The following SRMS variants were observed in gnomAD, a reference collection of about 807,000 sequenced individuals.
SRMS encodes tyrosine-protein kinase Srms.
SRMS carries 42 observed loss-of-function variants against 43.5 expected under a neutral mutation model. That is an observed-to-expected ratio of 0.97 (90% CI 0.75 to 1.25). The LOEUF (loss-of-function observed/expected upper bound fraction) is 1.25, where lower values mean the gene tolerates loss of function less well. Among genes scored for constraint, SRMS ranks in the 50% most tolerant of loss-of-function variants. The pLI, the probability that SRMS is intolerant of heterozygous loss-of-function variation, is 0.00. For synonymous variants in SRMS, 316 were observed against 308.2 expected, an observed-to-expected ratio of 1.03 and a Z score of -0.27; for missense variants, 703 against 681.0, an observed-to-expected ratio of 1.03 and a Z score of -0.36.
At position 63,542,220 on chromosome 20, in the gene SRMS, G is replaced by A. The variant is rs762825847; in HGVS notation, c.889C>T (p.Pro297Ser). Residue 297 changes from proline to serine, a missense_variant, in exon 5 of 8, where the codon CCT becomes TCT. Coordinates refer to ENST00000217188, the MANE Select transcript of SRMS (RefSeq NM_080823.4). ...ATGAGTTCCGTGACGATGTACACAG[G>A]CTCCCCGCCCGAGCACACTGCGTGC... Reference protein sequence around the residue: ...RLHAVCSGGEPVYIVTELMRK... With the variant: ...RLHAVCSGGESVYIVTELMRK... 4 of 1,612,552 alleles carry A rather than the reference G, an allele frequency of 2.5e-6. No homozygotes were observed.
intron 1 of SRMS, among the ~76,000 whole-genome samples, chr20:63,546,796 C>T (rs930063544): frequency 1.3e-5 from 2 of 152,210 alleles, no homozygotes; most frequent in Non-Finnish European, 2.9e-5. Flanking sequence ...GAGGGCCTGG[C>T]CAGCCAGGCA....
chr20:63,541,608 C>T lies in SRMS; in HGVS notation c.959G>A (p.Arg320Gln), dbSNP rs1244641655. The change falls in exon 6 of 8, where the codon CGG becomes CAG. Residue 320 changes from arginine (R) to glutamine (Q), a missense_variant. Arg to Gln is a conservative substitution (Grantham distance 43, BLOSUM62 1). Transcript: ENST00000217188. ...CAGGAGTGGCGGCAGACGCAGGGCC[C>T]GGCCCTCGGGGGCTGCAGGAGACAG... ...LQAFLGTPEG[R>Q]ALRLPPLLGF... The T allele has an allele frequency of 5.8e-6, 9 of 1,551,508 alleles. No individual in the cohort carries two copies. Among genetic ancestry groups the T allele is most frequent in the African/African-American group, 4.1e-5 (3 of 73,722 alleles).
In SRMS at chr20:63,540,072, G is replaced by A. The variant is rs1418607524; in HGVS notation, c.*746C>T. ...ATTTTCTAGCCACGTGGACCCGTAC[G>A]CTCCAGCTCCTGGGTCTGGGTTTGG... On this transcript the variant is annotated 3_prime_UTR_variant, in exon 8 of 8. Coordinates refer to ENST00000217188, the MANE Select transcript of SRMS (RefSeq NM_080823.4). 5.9e-5 allele frequency among the ~76,000 whole-genome samples: 9 copies of A among 152,336 alleles called. No homozygotes were observed. The highest frequency in any genetic ancestry group is 5.8e-4 in the East Asian group (3 of 5,184).
rs1425010793 is a variant in SRMS, at chr20:63,540,373, G to A, written c.*445C>T. On this transcript the variant is annotated 3_prime_UTR_variant, in exon 8 of 8. Coordinates refer to ENST00000217188, the MANE Select transcript of SRMS (RefSeq NM_080823.4). ...CTCTTCACCCTGGGAGGGAGTCCAG[G>A]GGACCCAGGCAGGAGACACACAGGG... is the stretch of plus-strand genomic sequence containing the variant. Among the ~76,000 whole-genome samples, 1 of 152,164 alleles carries A rather than the reference G, an allele frequency of 6.6e-6. No homozygotes were observed. Among genetic ancestry groups the A allele is most frequent in the Non-Finnish European group, 1.5e-5 (1 of 68,006 alleles).
At chr20:63,546,107 C>T (rs555738221) in intron 1 of SRMS, among the ~76,000 whole-genome samples, 11 of 152,286 alleles carry the variant, frequency 7.2e-5, no homozygotes, top group Middle Eastern at 3.4e-3. Flanking sequence ...TGCTCCACCA[C>T]GAGCCCTGCC....
At chr20:63,542,121 G>A (rs776924497) in intron 5 of SRMS, 42 bp downstream of exon 5, 4 of 1,578,564 alleles carry the variant, frequency 2.5e-6, no homozygotes, top group Middle Eastern at 1.7e-4. Flanking sequence ...AGGGGCGGTC[G>A]CAGGCGCGTC....
At position 63,542,336 on chromosome 20, in the gene SRMS, G is replaced by A. The variant is rs1043018033; in HGVS notation, c.788-15C>T. ...CTTCATGTTGGCTGCGAGAGAGGGT[G>A]TGGCTCCAGGACCGGCCCACGCCAC... On this transcript the variant is annotated splice_polypyrimidine_tract_variant and intron_variant, in intron 4 of 7. Transcript: ENST00000217188. The A allele has an allele frequency of 3.7e-6, 6 of 1,604,036 alleles. No individual in the cohort carries two copies. Among genetic ancestry groups the A allele is most frequent in the Middle Eastern group, 1.6e-4 (1 of 6,066 alleles).
rs199598481 is a variant in SRMS at position 63,543,319 on chromosome 20, G to A, written c.640C>T (p.Pro214Ser). The A allele has an allele frequency of 5.0e-6, 8 of 1,612,360 alleles. No homozygotes were observed. The African/African-American group carries it at 1.1e-4, about 21-fold the overall frequency. ...CTTGGCAGGCACAGGCCCACCTGGGGCATGCAGGGCTGCAGCAGGGGGTTC... is the reference window on the plus strand; with the variant it reads ...CTTGGCAGGCACAGGCCCACCTGGGACATGCAGGGCTGCAGCAGGGGGTTC... ...IQNPLLQPCM[P>S]QKAPRQDVWE... is the part of the protein sequence containing the mutation. Residue 214 changes from proline (P) to serine (S), a missense_variant, in exon 3 of 8, where the codon CCC becomes TCC. Physicochemically the swap from Pro to Ser is moderately conservative, Grantham distance 74. Transcript: ENST00000217188.
rs751514762 is a variant in SRMS, at chr20:63,541,012, G to A, written c.1286-13C>T. The A allele has an allele frequency of 6.2e-7, 1 of 1,607,970 alleles. No individual in the cohort carries two copies. The highest frequency in any genetic ancestry group is 8.5e-7 in the Non-Finnish European group (1 of 1,179,158). Reference sequence around the variant, plus strand: ...TGGTTGGTCATCCCTGGGAGGCGCGGGGCAAGAGCTGCCTCGATTCTGCCT... The same window carrying A: ...TGGTTGGTCATCCCTGGGAGGCGCGAGGCAAGAGCTGCCTCGATTCTGCCT... On this transcript the variant is annotated splice_polypyrimidine_tract_variant and intron_variant, in intron 7 of 7. Transcript: ENST00000217188.
At chr20:63,543,245 GGGA>G in intron 3 of SRMS, 66 bp downstream of exon 3, 1 of 1,564,074 alleles carries the variant, frequency 6.4e-7, no homozygotes, top group Non-Finnish European at 8.7e-7. Flanking sequence ...TGACGGGGTG[GGGA>G]GGAGCACCTA....
Position 63,542,452 on chromosome 20 carries a change from C to T in SRMS, c.775G>A (p.Val259Ile), listed in dbSNP as rs760674144. 1.3e-5 allele frequency: 21 copies of T among 1,611,674 alleles called. 1 individual carries two copies. Among genetic ancestry groups the T allele is most frequent in the South Asian group, 8.8e-5 (8 of 90,962 alleles). The change falls in exon 4 of 8, where the codon GTC becomes ATC. Residue 259 changes from valine to isoleucine, a missense_variant. Coordinates refer to ENST00000217188, the MANE Select transcript of SRMS (RefSeq NM_080823.4). ...CTCGGGGCCTCACCTGACTTGATGA[C>T]CTTGATCGCCACGGGCAGGGAGCCC... ...WLGSLPVAIKVIKSANMKLTD... is the reference protein window; with the variant it reads ...WLGSLPVAIKIIKSANMKLTD...
rs564204615 is a variant in SRMS, at chr20:63,540,534, T to C, written c.*284A>G. Reference sequence around the variant, plus strand: ...AGCCCTCCGTCTGCACGAGTCACACTGCACGGGGAACGTCAGCCCCAGCCC... The same window carrying C: ...AGCCCTCCGTCTGCACGAGTCACACCGCACGGGGAACGTCAGCCCCAGCCC... On this transcript the variant is annotated 3_prime_UTR_variant, in exon 8 of 8. Coordinates refer to ENST00000217188, the MANE Select transcript of SRMS (RefSeq NM_080823.4). Among the ~76,000 whole-genome samples, 1,405 of 151,906 alleles carry C rather than the reference T, an allele frequency of 9.2e-3. 21 individuals are homozygous for C. Among genetic ancestry groups the C allele is most frequent in the African/African-American group, 0.031 (1,279 of 41,418 alleles).
chr20:63,547,005 A>G, intron 1 of SRMS, 103 bp downstream of exon 1: 2 of 1,072,394 alleles, frequency 1.9e-6, no homozygotes, highest in Non-Finnish European at 2.6e-6. Flanking sequence ...ATGAATGAAC[A>G]GATAGCCACG....
rs1270636072 is a variant in SRMS at position 63,540,845 on chromosome 20, C to T, written c.1440G>A (p.Leu480=). ...RPSFATLREK[L]HAIHRCHP Reference sequence around the variant, plus strand: ...AGGGGTGGCATCTGTGGATGGCGTGCAGCTTCTCCCGCAGCGTGGCGAAGG... The same window carrying T: ...AGGGGTGGCATCTGTGGATGGCGTGTAGCTTCTCCCGCAGCGTGGCGAAGG... Residue 480 remains leucine, a synonymous_variant, in exon 8 of 8, where the codon CTG becomes CTA. Transcript: ENST00000217188. The T allele has an allele frequency of 1.9e-6, 3 of 1,604,036 alleles. No homozygotes were observed. The highest frequency in any genetic ancestry group is 1.7e-5 in the Admixed American group (1 of 59,864).
Position 63,547,391 on chromosome 20 carries a change from C to T in SRMS, c.73G>A (p.Glu25Lys), listed in dbSNP as rs772215966. The change falls in exon 1 of 8, where the codon GAG (glutamate) becomes AAG (lysine). Residue 25 changes from glutamate to lysine, a missense_variant. Glu to Lys is a moderately conservative substitution (Grantham distance 56). Coordinates refer to ENST00000217188, the MANE Select transcript of SRMS (RefSeq NM_080823.4). Reference sequence around the variant, plus strand: ...GACCCGGGGGTGCCATGGTCCGGCTCGCCGCCCGCCGGCCAGATCTTGTCC... The same window carrying T: ...GACCCGGGGGTGCCATGGTCCGGCTTGCCGCCCGCCGGCCAGATCTTGTCC... ...FWDKIWPAGG[E>K]PDHGTPGSLD... The T allele has an allele frequency of 3.4e-5, 53 of 1,555,770 alleles. No homozygotes were observed. The highest frequency in any genetic ancestry group is 7.3e-5 in the East Asian group (3 of 40,936).
rs199959982 is a variant in SRMS at position 63,542,319 on chromosome 20, T to C, written c.790A>G (p.Asn264Asp). Residue 264 changes from asparagine (N) to aspartate (D), a missense_variant and splice_region_variant, in exon 5 of 8, where the codon AAC becomes GAC. Coordinates refer to ENST00000217188, the MANE Select transcript of SRMS (RefSeq NM_080823.4). ...TTGGCGAGGTCAGTGAGCTTCATGT[T>C]GGCTGCGAGAGAGGGTGTGGCTCCA... ...PVAIKVIKSA[N>D]MKLTDLAKEI... 7.1e-4 allele frequency: 1,138 copies of C among 1,607,590 alleles called. 3 individuals are homozygous for C. Among genetic ancestry groups the C allele is most frequent in the Non-Finnish European group, 9.2e-4 (1,085 of 1,175,696 alleles).
chr20:63,541,701 C>T (rs1422072462), intron 5 of SRMS, 81 bp from the exon 6 acceptor site: 21 of 1,405,972 alleles, frequency 1.5e-5, no homozygotes, highest in African/African-American at 4.3e-5. Flanking sequence ...CACCTTCCCC[C>T]ATGCCTCAGC....
At chr20:63,546,187 G>T (rs969844533) in intron 1 of SRMS, among the ~76,000 whole-genome samples, 1 of 152,106 alleles carries the variant, frequency 6.6e-6, no homozygotes, top group African/African-American at 2.4e-5. Flanking sequence ...CATCACAAAG[G>T]CTGCTTGCCC....
Position 63,540,425 on chromosome 20 carries a change from G to A in SRMS, c.*393C>T, listed in dbSNP as rs1271291299. Among the ~76,000 whole-genome samples the A allele has an allele frequency of 1.3e-5, 2 of 152,150 alleles. No individual in the cohort carries two copies. Among genetic ancestry groups the A allele is most frequent in the Non-Finnish European group, 2.9e-5 (2 of 68,022 alleles). The stretch of plus-strand genomic sequence containing the variant: ...TCAGGGTTCCTCACCCAGAGCCTCC[G>A]AGGCTTCTACCCACCCTCCTGTGCC... On this transcript the variant is annotated 3_prime_UTR_variant, in exon 8 of 8. Coordinates refer to ENST00000217188, the MANE Select transcript of SRMS (RefSeq NM_080823.4).
Sources: gnomAD v4.1 joint callset for allele counts (sites outside exome capture counted in the v4.1 genomes callset) on GRCh38, gnomAD v4.1.1 for gene constraint, MANE v1.5 for transcripts, NCBI Gene and HGNC (gene_info 2026-07-23, HGNC 2026-07-21) for gene names.